The following HS6ST3 variants were observed in gnomAD, a reference collection of about 807,000 sequenced individuals.
The protein encoded by HS6ST3 is heparan-sulfate 6-O-sulfotransferase 3.
Under a neutral mutation model 36.7 loss-of-function variants are expected in HS6ST3, and 12 were observed. The ratio of observed to expected loss-of-function variants is 0.33; its 90% CI spans 0.21 to 0.53. The LOEUF (loss-of-function observed/expected upper bound fraction) is 0.53, where lower values mean the gene tolerates loss of function less well. Ranked by LOEUF, HS6ST3 falls within the 20% of genes least tolerant of loss-of-function variation. HS6ST3 has a pLI of 0.95. For synonymous variants in HS6ST3, 240 were observed against 257.5 expected (o/e 0.93, Z 0.65); for missense variants, 584 against 640.9 (o/e 0.91, Z 0.96).
chr13:96,753,025 A>T (rs1876737775), intron 1 of HS6ST3, among the ~76,000 whole-genome samples: 1 of 152,168 alleles, frequency 6.6e-6, no homozygotes, highest in Non-Finnish European at 1.5e-5. Context: ...TTTGAAGAGG[A>T]TCTCTTTTCC....
intron 1 of HS6ST3, among the ~76,000 whole-genome samples, chr13:96,252,990 T>A (rs1277159311): frequency 6.6e-6 from 1 of 152,146 alleles, no homozygotes; most frequent in Non-Finnish European, 1.5e-5. Context: ...GTCTCAGGTA[T>A]TTCTTTATAA....
intron 1 of HS6ST3, among the ~76,000 whole-genome samples, chr13:96,441,288 CTT>C (rs754903364): frequency 6.8e-6 from 1 of 146,474 alleles, no homozygotes; most frequent in African/African-American, 2.5e-5. Flanking sequence ...TTTGAATATA[CTT>C]TTTTTTTTTT....
intron 1 of HS6ST3, among the ~76,000 whole-genome samples, chr13:96,817,536 G>A (rs529576415): frequency 8.0e-4 from 121 of 152,168 alleles, no homozygotes; most frequent in Non-Finnish European, 1.5e-3. Flanking sequence ...GGGAAGATTC[G>A]AGAGCCCCCT....
intron 1 of HS6ST3, among the ~76,000 whole-genome samples, chr13:96,097,637 T>C (rs2053797910): frequency 6.6e-6 from 1 of 152,046 alleles, no homozygotes; most frequent in African/African-American, 2.4e-5. Flanking sequence ...TTGGTTAGAT[T>C]GTAGATATCA....
chr13:96,756,448 T>A (rs1876833381), intron 1 of HS6ST3, among the ~76,000 whole-genome samples: 1 of 152,198 alleles, frequency 6.6e-6, no homozygotes, highest in South Asian at 2.1e-4. Flanking sequence ...GTTGTGGGAA[T>A]ATTCTCCTAC....
intron 1 of HS6ST3, among the ~76,000 whole-genome samples, chr13:96,716,999 T>G (rs1169163292): frequency 6.6e-6 from 1 of 152,052 alleles, no homozygotes; most frequent in Non-Finnish European, 1.5e-5. Context: ...GACAATCGGG[T>G]CCATTAGCTA....
intron 1 of HS6ST3, among the ~76,000 whole-genome samples, chr13:96,523,506 C>G (rs995813729): frequency 6.6e-6 from 1 of 152,176 alleles, no homozygotes; most frequent in Non-Finnish European, 1.5e-5. Context: ...GTACACCAGT[C>G]AAACATAGAT....
intron 1 of HS6ST3, among the ~76,000 whole-genome samples, chr13:96,538,711 T>C (rs556866086): frequency 2.6e-5 from 4 of 152,376 alleles, no homozygotes; most frequent in African/African-American, 9.6e-5. Flanking sequence ...CCCATAGTGC[T>C]GGGATTACAG....
At chr13:96,662,071 C>T (rs1036655422) in intron 1 of HS6ST3, among the ~76,000 whole-genome samples, 3 of 152,122 alleles carry the variant, frequency 2.0e-5, no homozygotes, top group Non-Finnish European at 4.4e-5. Flanking sequence ...TAACTGTATG[C>T]CTTGGTGATG....
intron 1 of HS6ST3, among the ~76,000 whole-genome samples, chr13:96,693,944 G>A (rs1455073441): frequency 6.6e-6 from 1 of 152,150 alleles, no homozygotes; most frequent in Non-Finnish European, 1.5e-5. Context: ...AAAGGCAGCT[G>A]AGCTTGAGCA....
intron 1 of HS6ST3, among the ~76,000 whole-genome samples, chr13:96,170,731 T>G (rs947474206): frequency 1.3e-5 from 2 of 152,246 alleles, no homozygotes; most frequent in African/African-American, 4.8e-5. Flanking sequence ...CCCATTTGAC[T>G]GCATTACTGA....
At chr13:96,623,635 G>A (rs1479966338) in intron 1 of HS6ST3, among the ~76,000 whole-genome samples, 5 of 151,946 alleles carry the variant, frequency 3.3e-5, no homozygotes, top group African/African-American at 1.2e-4. Flanking sequence ...ATTGGGTCAC[G>A]TTTCATTAAC....
chr13:96,693,902 C>A (rs1875047885), intron 1 of HS6ST3, among the ~76,000 whole-genome samples: 1 of 152,148 alleles, frequency 6.6e-6, no homozygotes, highest in Admixed American at 6.5e-5. Context: ...CTGTTCTTAG[C>A]AATTGTTTAT....
At chr13:96,749,377 T>G (rs903817653) in intron 1 of HS6ST3, among the ~76,000 whole-genome samples, 3 of 152,316 alleles carry the variant, frequency 2.0e-5, no homozygotes, top group Admixed American at 2.0e-4. Flanking sequence ...TCTATATGCA[T>G]GTATATAGTT....
intron 1 of HS6ST3, among the ~76,000 whole-genome samples, chr13:96,789,939 C>A (rs1877742326): frequency 6.6e-6 from 1 of 151,632 alleles, no homozygotes; most frequent in Non-Finnish European, 1.5e-5. Context: ...CTTCTTAAAT[C>A]TGTAAGTTTG....
chr13:96,236,023 A>G (rs2054533011), intron 1 of HS6ST3, among the ~76,000 whole-genome samples: 1 of 152,236 alleles, frequency 6.6e-6, no homozygotes, highest in Non-Finnish European at 1.5e-5. Context: ...CAAAGGCCAG[A>G]GAGTCCCTGG....
At chr13:96,477,729 G>T (rs1216238546) in intron 1 of HS6ST3, among the ~76,000 whole-genome samples, 1 of 152,026 alleles carries the variant, frequency 6.6e-6, no homozygotes, top group Non-Finnish European at 1.5e-5. Context: ...AATCTGCCAG[G>T]TGTGTTGATG....
chr13:96,299,395 G>A (rs1344551619), intron 1 of HS6ST3, among the ~76,000 whole-genome samples: 4 of 152,272 alleles, frequency 2.6e-5, no homozygotes, highest in African/African-American at 7.2e-5. Flanking sequence ...TCTAGATGTA[G>A]TACTTGATCC....
At chr13:96,472,282 G>T (rs2055843514) in intron 1 of HS6ST3, among the ~76,000 whole-genome samples, 1 of 152,220 alleles carries the variant, frequency 6.6e-6, no homozygotes, top group African/African-American at 2.4e-5. Context: ...CTTTAAGCAT[G>T]CTAGGTGGCT....
Sources: allele counts gnomAD v4.1 joint callset (sites outside exome capture counted in the v4.1 genomes callset), GRCh38; gene constraint gnomAD v4.1.1; transcripts MANE v1.5; gene names NCBI Gene and HGNC (gene_info 2026-07-23, HGNC 2026-07-21).